The following LAMA2 variants were observed in gnomAD, a reference collection of about 807,000 sequenced individuals.
The protein encoded by LAMA2 is laminin subunit alpha-2.
Under a neutral mutation model 364.8 loss-of-function variants are expected in LAMA2, and 269 were observed. That is an observed-to-expected ratio of 0.74 (90% CI 0.67 to 0.82). The LOEUF (loss-of-function observed/expected upper bound fraction) is 0.82, where lower values mean the gene tolerates loss of function less well. LAMA2 is among the 40% of genes least tolerant of loss of function. LAMA2 has a pLI of 0.00. For missense variants in LAMA2, 3,807 were observed against 3,873.2 expected (o/e 0.98, Z 0.45); for synonymous variants, 1,379 against 1,370.6 (o/e 1.01, Z -0.14).
intron 4 of LAMA2, among the ~76,000 whole-genome samples, chr6:129,121,312 A>C (rs552034186): frequency 6.6e-6 from 1 of 152,170 alleles, no homozygotes; most frequent in Non-Finnish European, 1.5e-5. Flanking sequence ...ATTTAAAAAA[A>C]TTTTTTGAGG....
At chr6:129,493,060 C>T (rs1482219261) in intron 58 of LAMA2, among the ~76,000 whole-genome samples, 4 of 152,084 alleles carry the variant, frequency 2.6e-5, no homozygotes, top group Non-Finnish European at 4.4e-5. Flanking sequence ...TAGGCTGAGG[C>T]AGGAGAATCG....
chr6:128,996,456 G>A (rs983162887), intron 1 of LAMA2, among the ~76,000 whole-genome samples: 2 of 152,150 alleles, frequency 1.3e-5, no homozygotes, highest in Non-Finnish European at 2.9e-5. Context: ...CCATCGAAAA[G>A]TGGGCAAAGG....
rs574351287 is a variant in LAMA2, at chr6:129,088,422, T to C, written c.397-9751T>C. The stretch of plus-strand genomic sequence containing the variant: ...TGAGCTGCTGGGTACACCTCCCAGA[T>C]GGGGTGGCGGCTGGGCAGAGGGGCT... On this transcript the variant is annotated intron_variant, in intron 3 of 64. Coordinates refer to ENST00000421865, the MANE Select transcript of LAMA2 (RefSeq NM_000426.4). Among the ~76,000 whole-genome samples the C allele has an allele frequency of 8.4e-3, 1,277 of 151,886 alleles. 20 individuals carry two copies. The highest frequency in any genetic ancestry group is 0.029 in the African/African-American group (1,207 of 41,494).
At chr6:129,391,766 C>A in intron 36 of LAMA2, 113 bp downstream of exon 36, 4 of 854,204 alleles carry the variant, frequency 4.7e-6, no homozygotes, top group East Asian at 5.2e-5. Flanking sequence ...TTTTTCCAAC[C>A]TGGAGATATT....
At chr6:129,028,937 AG>A (rs1298309718) in intron 1 of LAMA2, among the ~76,000 whole-genome samples, 1 of 151,922 alleles carries the variant, frequency 6.6e-6, no homozygotes, top group African/African-American at 2.4e-5. Context: ...AAAAATGACT[AG>A]CCTTTGGCTG....
intron 12 of LAMA2, among the ~76,000 whole-genome samples, chr6:129,207,167 A>G (rs939894931): frequency 6.6e-6 from 1 of 152,210 alleles, no homozygotes; most frequent in Non-Finnish European, 1.5e-5. Context: ...GCTATTTCCA[A>G]AGAAACGGGC....
intron 40 of LAMA2, among the ~76,000 whole-genome samples, chr6:129,414,929 A>G (rs1465469647): frequency 6.6e-6 from 1 of 152,212 alleles, no homozygotes. Context: ...GGCATTATCT[A>G]TTTAATTACT....
At chr6:128,959,907 A>G (rs994000003) in intron 1 of LAMA2, among the ~76,000 whole-genome samples, 5 of 151,984 alleles carry the variant, frequency 3.3e-5, no homozygotes, top group Admixed American at 1.3e-4. Flanking sequence ...ACTTTTCTAA[A>G]TTAATAAATT....
rs1776318276 is a variant in LAMA2 at position 129,342,398 on chromosome 6, A to G, written c.4367A>G (p.Tyr1456Cys). The change falls in exon 30 of 65, where the codon TAT becomes TGT. Residue 1456 changes from tyrosine (Y) to cysteine (C), a missense_variant. Physicochemically the swap from Tyr to Cys is radical, Grantham distance 194. Around this residue, in one of 3 missense-constraint regions of LAMA2, gnomAD observed 3,333 missense variants for 3,345.7 expected, o/e 1.00. Coordinates refer to ENST00000421865, the MANE Select transcript of LAMA2 (RefSeq NM_000426.4). ...DFCERCALGY[Y>C]GIVKGLPNDC... ...TGTGAACGATGTGCTCTTGGATACTATGGAATTGTCAAGGGATTGCCAAAT... is the reference window on the plus strand; with the variant it reads ...TGTGAACGATGTGCTCTTGGATACTGTGGAATTGTCAAGGGATTGCCAAAT... 7 of 1,613,310 alleles carry G rather than the reference A, an allele frequency of 4.3e-6. No individual in the cohort carries two copies. The highest frequency in any genetic ancestry group is 1.7e-5 in the Admixed American group (1 of 59,992).
intron 12 of LAMA2, among the ~76,000 whole-genome samples, chr6:129,232,097 G>T (rs1331567453): frequency 6.6e-6 from 1 of 152,086 alleles, no homozygotes; most frequent in African/African-American, 2.4e-5. Flanking sequence ...AAATATAGCT[G>T]TCTATTTAAA....
chr6:129,114,180 T>A (rs1033162486), intron 4 of LAMA2, among the ~76,000 whole-genome samples: 1 of 152,022 alleles, frequency 6.6e-6, no homozygotes, highest in Non-Finnish European at 1.5e-5. Flanking sequence ...AGAGAACTTG[T>A]ACAGCATAAG....
At chr6:129,465,104 C>T in intron 50 of LAMA2, 41 bp from the exon 51 acceptor site, 1 of 1,539,694 alleles carries the variant, frequency 6.5e-7, no homozygotes, top group Non-Finnish European at 9.0e-7. Flanking sequence ...ATATACTTCT[C>T]TGTGTATCTA....
At chr6:129,111,681 G>T (rs544559204) in intron 4 of LAMA2, among the ~76,000 whole-genome samples, 21 of 151,958 alleles carry the variant, frequency 1.4e-4, no homozygotes, top group African/African-American at 5.1e-4. Flanking sequence ...AGTATCAATG[G>T]GAAATCAGGC....
At chr6:129,067,743 TG>T (rs1489962183) in intron 3 of LAMA2, among the ~76,000 whole-genome samples, 3 of 152,216 alleles carry the variant, frequency 2.0e-5, no homozygotes, top group African/African-American at 7.2e-5. Context: ...CATCCCGCTA[TG>T]TCTTGAACAC....
chr6:129,237,379 C>G (rs1348417036), intron 12 of LAMA2, among the ~76,000 whole-genome samples: 1 of 152,066 alleles, frequency 6.6e-6, no homozygotes, highest in Non-Finnish European at 1.5e-5. Flanking sequence ...CTCTATCACC[C>G]AGGCTGGAGT....
rs78289654 is a variant in LAMA2, at chr6:129,282,664, C to T, written c.2537+2517C>T. 6.9e-4 allele frequency among the ~76,000 whole-genome samples: 105 copies of T among 152,194 alleles called. 1 individual carries two copies. In the East Asian group the frequency reaches 0.02, roughly 29 times the overall value. On this transcript the variant is annotated intron_variant, in intron 18 of 64. Transcript: ENST00000421865. ...CCTTTTTCTCCGTCCTCCTAATTAC[C>T]TTTCCTTTCAGGTCTAGAAAGTCTC...
intron 45 of LAMA2, among the ~76,000 whole-genome samples, chr6:129,447,830 ATC>A (rs1181656266): frequency 2.6e-5 from 4 of 152,226 alleles, no homozygotes; most frequent in African/African-American, 9.7e-5. Flanking sequence ...TATTTTGTGA[ATC>A]TCACATTTAG....
At chr6:129,372,206 T>C (rs9492310) in intron 34 of LAMA2, among the ~76,000 whole-genome samples, 3,223 of 152,264 alleles carry the variant, frequency 0.021, 116 homozygotes, top group African/African-American at 0.074. Context: ...TTGTACATTC[T>C]ATGGGTTTGG....
chr6:128,986,588 G>A (rs1265266949), intron 1 of LAMA2, among the ~76,000 whole-genome samples: 1 of 151,598 alleles, frequency 6.6e-6, no homozygotes, highest in African/African-American at 2.4e-5. Flanking sequence ...CTCTATCATA[G>A]CTCTCTATAT....
Sources: allele counts gnomAD v4.1 joint callset (sites outside exome capture counted in the v4.1 genomes callset), GRCh38; gene constraint gnomAD v4.1.1; regional missense constraint gnomAD v4.1.1; transcripts MANE v1.5; gene names NCBI Gene and HGNC (gene_info 2026-07-23, HGNC 2026-07-21).